SLC9A9: variants seen among roughly 807,000 people sequenced by gnomAD.
SLC9A9 encodes the protein sodium/hydrogen exchanger 9.
SLC9A9 carries 62 observed loss-of-function variants against 77.8 expected under a neutral mutation model. The ratio of observed to expected loss-of-function variants is 0.80; its 90% CI spans 0.65 to 0.98. The LOEUF (loss-of-function observed/expected upper bound fraction) is 0.98. SLC9A9 is among the 50% of genes least tolerant of loss of function. SLC9A9 has a pLI of 0.00. For synonymous variants in SLC9A9, 320 were observed against 283.5 expected, an observed-to-expected ratio of 1.13 and a Z score of -1.29; for missense variants, 775 against 774.9, an observed-to-expected ratio of 1.00 and a Z score of 0.00.
chr3:143,664,609 G>A (rs1242052), intron 5 of SLC9A9, among the ~76,000 whole-genome samples: 4,661 of 152,272 alleles, frequency 0.031, 103 homozygotes, highest in Middle Eastern at 0.088. Flanking sequence ...GACACACATA[G>A]GCTCAAAATA....
intron 12 of SLC9A9, among the ~76,000 whole-genome samples, chr3:143,412,630 C>T (rs2034116751): frequency 6.6e-6 from 1 of 152,192 alleles, no homozygotes; most frequent in African/African-American, 2.4e-5. Context: ...ATTCTTTTCA[C>T]TCTCTAATCC....
At chr3:143,426,773 G>A (rs1399136401) in intron 12 of SLC9A9, among the ~76,000 whole-genome samples, 5 of 152,188 alleles carry the variant, frequency 3.3e-5, no homozygotes, top group Non-Finnish European at 7.3e-5. Flanking sequence ...TATGCACCAG[G>A]CACTGTTTTG....
rs762463094 is a variant in SLC9A9, at chr3:143,266,441, A to C, written c.*261T>G. On this transcript the variant is annotated 3_prime_UTR_variant, in exon 16 of 16. Transcript: ENST00000316549. ...CCATCCTCCAGCAGCTAGACTCCTG[A>C]TACCTCCATCCCCACCCCAGCCAAT... 4.5e-5 allele frequency: 25 copies of C among 561,458 alleles called. No individual in the cohort carries two copies. The highest frequency in any genetic ancestry group is 9.0e-5 in the Admixed American group (3 of 33,194). The allele number at this position is 561,458 out of a possible 1,614,324, so 34.8% of individuals were successfully genotyped here.
At chr3:143,334,951 G>GATA in intron 14 of SLC9A9, among the ~76,000 whole-genome samples, 1 of 127,548 alleles carries the variant, frequency 7.8e-6, no homozygotes, top group Non-Finnish European at 1.6e-5. Context: ...CCTAGCCAGA[G>GATA]ATAATAGGCA....
intron 4 of SLC9A9, among the ~76,000 whole-genome samples, chr3:143,727,047 G>A (rs779356406): frequency 1.3e-5 from 2 of 151,662 alleles, no homozygotes; most frequent in Non-Finnish European, 1.5e-5. Context: ...AAAATTAGCT[G>A]TAAGAAAAGG....
intron 14 of SLC9A9, among the ~76,000 whole-genome samples, chr3:143,290,197 C>T (rs191006448): frequency 3.3e-4 from 50 of 152,252 alleles, no homozygotes; most frequent in African/African-American, 1.1e-3. Flanking sequence ...AAGGGGGCAC[C>T]TGTACATACT....
At chr3:143,724,542 C>A (rs959437606) in intron 4 of SLC9A9, among the ~76,000 whole-genome samples, 2 of 152,106 alleles carry the variant, frequency 1.3e-5, no homozygotes, top group Non-Finnish European at 2.9e-5. Context: ...TAAAGGTGAC[C>A]GGCCAACATG....
intron 12 of SLC9A9, among the ~76,000 whole-genome samples, chr3:143,387,489 A>C (rs2033456386): frequency 6.6e-6 from 1 of 152,180 alleles, no homozygotes. Flanking sequence ...AGGCTGGTTA[A>C]AATTTTATAT....
Position 143,532,563 on chromosome 3 carries a change from T to C in SLC9A9, c.1089+19799A>G, listed in dbSNP as rs892648835. Among the ~76,000 whole-genome samples the C allele has an allele frequency of 3.3e-5, 5 of 152,204 alleles. No homozygotes were observed. The East Asian group carries it at 9.6e-4, about 29-fold the overall frequency. On this transcript the variant is annotated intron_variant, in intron 9 of 15. Coordinates refer to ENST00000316549, the MANE Select transcript of SLC9A9 (RefSeq NM_173653.4). ...AAACTTAAATTTTACTTTACAAGCT[T>C]TTGTACCACGAATTTTTATAAAAAT... is the stretch of plus-strand genomic sequence containing the variant.
intron 12 of SLC9A9, among the ~76,000 whole-genome samples, chr3:143,397,269 A>G (rs1253591552): frequency 6.6e-6 from 1 of 152,236 alleles, no homozygotes; most frequent in Non-Finnish European, 1.5e-5. Context: ...TGCCTGGGCA[A>G]TTAGGGATTT....
intron 6 of SLC9A9, among the ~76,000 whole-genome samples, chr3:143,651,818 T>C (rs911521143): frequency 1.4e-4 from 21 of 152,226 alleles, no homozygotes; most frequent in East Asian, 1.9e-4. Context: ...TACCTTTGCA[T>C]TGAGAAATAA....
chr3:143,836,416 C>T (rs1369186253), intron 1 of SLC9A9, among the ~76,000 whole-genome samples: 1 of 152,098 alleles, frequency 6.6e-6, no homozygotes, highest in Non-Finnish European at 1.5e-5. Context: ...TCCACAAGCT[C>T]CCTGGAGTCA....
intron 14 of SLC9A9, among the ~76,000 whole-genome samples, chr3:143,293,762 CA>C (rs1289612314): frequency 6.6e-6 from 1 of 152,056 alleles, no homozygotes; most frequent in African/African-American, 2.4e-5. Flanking sequence ...GTCTCAGAGT[CA>C]AAAGCTGGTT....
chr3:143,325,294 T>C (rs1365342572), intron 14 of SLC9A9, among the ~76,000 whole-genome samples: 1 of 152,356 alleles, frequency 6.6e-6, no homozygotes, highest in Admixed American at 6.5e-5. Flanking sequence ...AACACAGTCC[T>C]TAAGCAATGG....
intron 4 of SLC9A9, among the ~76,000 whole-genome samples, chr3:143,790,838 C>T (rs1347709030): frequency 6.6e-6 from 1 of 152,088 alleles, no homozygotes; most frequent in Non-Finnish European, 1.5e-5. Context: ...ATTCAATGTC[C>T]CTTTCTTTAA....
chr3:143,638,815 A>T (rs2038572554), intron 6 of SLC9A9, among the ~76,000 whole-genome samples: 1 of 152,248 alleles, frequency 6.6e-6, no homozygotes, highest in African/African-American at 2.4e-5. Context: ...AGATTCCCTA[A>T]GCATCCCATG....
intron 12 of SLC9A9, among the ~76,000 whole-genome samples, chr3:143,424,913 G>A (rs904002918): frequency 4.6e-5 from 7 of 152,168 alleles, no homozygotes; most frequent in Admixed American, 2.0e-4. Context: ...CACCAACCTA[G>A]GGTCCTTGTG....
intron 2 of SLC9A9, among the ~76,000 whole-genome samples, chr3:143,813,089 TA>T (rs1384627793): frequency 1.3e-5 from 2 of 151,976 alleles, no homozygotes; most frequent in African/African-American, 4.8e-5. Context: ...AGTAAGGGAC[TA>T]GGGGTGACCT....
chr3:143,766,590 GAC>G (rs111346097), intron 4 of SLC9A9, among the ~76,000 whole-genome samples: 2,947 of 152,064 alleles, frequency 0.019, 99 homozygotes, highest in African/African-American at 0.067. Flanking sequence ...TTGTTTTTGA[GAC>G]ACAGTCTCAC....
Sources: gnomAD v4.1 joint callset for allele counts (sites outside exome capture counted in the v4.1 genomes callset) on GRCh38, gnomAD v4.1.1 for gene constraint, MANE v1.5 for transcripts, NCBI Gene and HGNC (gene_info 2026-07-23, HGNC 2026-07-21) for gene names.